GRID2IP: variants seen among roughly 807,000 people sequenced by gnomAD.
GRID2IP encodes the protein delphilin.
In GRID2IP, 78 loss-of-function variants were observed where a neutral mutation model predicts 114.3. The observed-to-expected ratio is 0.68, with a 90% CI of 0.57 to 0.82. The LOEUF (loss-of-function observed/expected upper bound fraction) is 0.82, where lower values mean the gene tolerates loss of function less well. Among genes scored for constraint, GRID2IP ranks in the 40% least tolerant of loss-of-function variants. The pLI, the probability that GRID2IP is intolerant of heterozygous loss-of-function variation, is 0.00. For missense variants in GRID2IP, 1,727 were observed against 1,678.5 expected, an observed-to-expected ratio of 1.03 and a Z score of -0.51; for synonymous variants, 809 against 724.0, an observed-to-expected ratio of 1.12 and a Z score of -1.89.
At chr7:6,530,359 G>T (rs1779594301) in intron 2 of GRID2IP, among the ~76,000 whole-genome samples, 1 of 149,372 alleles carries the variant, frequency 6.7e-6, no homozygotes, top group South Asian at 2.1e-4. Context: ...CGCCTCCCAG[G>T]TTCAAGCGAT....
At position 6,514,440 on chromosome 7, in the gene GRID2IP, G is replaced by A; in HGVS notation, c.1358C>T (p.Thr453Ile). The change falls in exon 8 of 22, where the codon ACC (threonine) becomes ATC (isoleucine). Residue 453 changes from threonine (T) to isoleucine (I), a missense_variant. By Grantham distance (89) the Thr-to-Ile change is moderately conservative (BLOSUM62 -1). Transcript: ENST00000457091. The part of the protein sequence containing the change: ...VLWQFIYQLL[T>I]YEEQELCQEK... ...CTGACAGAGCTCCTGCTCCTCATAGGTCAGCAGCTGGTAGATGAACTGCCA... is the reference window on the plus strand; with the variant it reads ...CTGACAGAGCTCCTGCTCCTCATAGATCAGCAGCTGGTAGATGAACTGCCA... 1 of 1,550,042 alleles carries A rather than the reference G, an allele frequency of 6.5e-7. No individual in the cohort carries two copies. The highest frequency in any genetic ancestry group is 8.7e-7 in the Non-Finnish European group (1 of 1,146,216).
At chr7:6,511,269 C>G (rs998360424) in intron 8 of GRID2IP, among the ~76,000 whole-genome samples, 1 of 151,592 alleles carries the variant, frequency 6.6e-6, no homozygotes, top group Non-Finnish European at 1.5e-5. Flanking sequence ...AGCCTGAACT[C>G]AGGGGCCTAG....
Position 6,506,743 on chromosome 7 carries a change from G to A in GRID2IP, c.2545-836C>T, listed in dbSNP as rs1391468648. 4.0e-5 allele frequency among the ~76,000 whole-genome samples: 6 copies of A among 148,846 alleles called. No individual in the cohort carries two copies. The highest frequency in any genetic ancestry group is 1.2e-4 in the African/African-American group (5 of 40,164). ...GTACCCCAGGCTGGAGTGCAGTGGT[G>A]CCATCTTGGCTCACTGCAACCTCCA... On this transcript the variant is annotated intron_variant, in intron 13 of 21. Coordinates refer to ENST00000457091, the MANE Select transcript of GRID2IP (RefSeq NM_001145118.2). The surrounding 1 kb of genome is among the most constrained non-coding windows in gnomAD (Gnocchi z 5.2).
Position 6,503,644 on chromosome 7 carries a change from G to C in GRID2IP, c.2754C>G (p.Arg918=). ...AHLKLSPAEL[R]QVLMSMEPRR... ...GGGGCTCCATGCTCATCAGCACCTG[G>C]CGCAGCTCCGCGGGGCTCAGCTTCA... Residue 918 remains arginine, a synonymous_variant, in exon 16 of 22, where the codon CGC becomes CGG. Transcript: ENST00000457091. The C allele has an allele frequency of 6.6e-7, 1 of 1,519,678 alleles. No individual in the cohort carries two copies. The highest frequency in any genetic ancestry group is 8.8e-7 in the Non-Finnish European group (1 of 1,140,454). The allele number at this position is 1,519,678 out of a possible 1,614,324, so 94.1% of individuals were successfully genotyped here. A position where few individuals can be genotyped will look rare whatever the true frequency, so the allele number is the denominator to read the frequency against.
At chr7:6,505,605 G>T (rs1398733562) in intron 14 of GRID2IP, among the ~76,000 whole-genome samples, 1 of 152,144 alleles carries the variant, frequency 6.6e-6, no homozygotes, top group Non-Finnish European at 1.5e-5. Context: ...CTGAGCTCAG[G>T]CGATCCACCC....
intron 8 of GRID2IP, among the ~76,000 whole-genome samples, chr7:6,513,947 C>CAAAAA (rs35124535): frequency 8.4e-5 from 4 of 47,534 alleles, no homozygotes; most frequent in Non-Finnish European, 1.4e-4. Flanking sequence ...GACTCCGTCT[C>CAAAAA]AAAAAAAAAA....
chr7:6,531,081 A>G (rs1042382706), intron 2 of GRID2IP: 2 of 624,278 alleles, frequency 3.2e-6, no homozygotes, highest in Middle Eastern at 2.6e-4. Flanking sequence ...AAGTGCCGAG[A>G]GAAGCCCTGG....
At position 6,502,026 on chromosome 7, in the gene GRID2IP, A is replaced by G; in HGVS notation, c.3243T>C (p.Phe1081=). The change falls in exon 19 of 22, where the codon TTT becomes TTC. Residue 1081 remains phenylalanine (F), a synonymous_variant. Transcript: ENST00000457091. ...GGGGCACGGTGGGCAGGTCCTGAGC[A>G]AAGCCCAGGAGTTCAGGGAAGTGCT... ...LSQHFPELLG[F]AQDLPTVPLA... The G allele has an allele frequency of 6.4e-7, 1 of 1,551,348 alleles. No individual in the cohort carries two copies. Among genetic ancestry groups the G allele is most frequent in the Non-Finnish European group, 8.7e-7 (1 of 1,146,904 alleles).
intron 20 of GRID2IP, among the ~76,000 whole-genome samples, chr7:6,499,342 C>T (rs1786348799): frequency 6.6e-6 from 1 of 152,148 alleles, no homozygotes; most frequent in Non-Finnish European, 1.5e-5. Context: ...GCCCATAGTC[C>T]CACAGCAGGT....
In GRID2IP at chr7:6,526,237, C is replaced by G. The variant is rs746723723; in HGVS notation, c.906G>C (p.Glu302Asp). ...CCCACCCCTCACCAGGCAGGACAGA[C>G]TCGATCCAGACAGGCCCGTGGCCGC... ...TLRGHGPVWI[E>D]SVLPGSPADN... is the part of the protein sequence containing the mutation. The change falls in exon 4 of 22, where the codon GAG becomes GAC. Residue 302 changes from glutamate to aspartate, a missense_variant. Transcript: ENST00000457091. The surrounding 1 kb of genome is among the most constrained non-coding windows in gnomAD (Gnocchi z 7.6). 18 of 1,551,938 alleles carry G rather than the reference C, an allele frequency of 1.2e-5. No homozygotes were observed. The highest frequency in any genetic ancestry group is 9.5e-5 in the South Asian group (8 of 84,062).
rs1002835555 is a variant in GRID2IP, at chr7:6,512,231, C to CTTTTTTTTTTTTTTTTTTTT, written c.1424-1193_1424-1192insAAAAAAAAAAAAAAAAAAAA. Among the ~76,000 whole-genome samples the CTTTTTTTTTTTTTTTTTTTT allele has an allele frequency of 2.1e-3, 187 of 90,196 alleles. 20 individuals carry two copies. The highest frequency in any genetic ancestry group is 8.2e-3 in the Middle Eastern group (1 of 122). 59.2% of individuals were successfully genotyped at this position (90,196 alleles called of 152,430 possible). ...CACACCTGCCTTTTTTTCTTTTCTT[C>CTTTTTTTTTTTTTTTTTTTT]TTTTTTTTTTTTTTTTTTGTGACAG... On this transcript the variant is annotated intron_variant, in intron 8 of 21. Coordinates refer to ENST00000457091, the MANE Select transcript of GRID2IP (RefSeq NM_001145118.2).
In GRID2IP at chr7:6,532,871, C is replaced by T. The variant is rs747278175; in HGVS notation, c.585-6102G>A. 6.6e-6 allele frequency among the ~76,000 whole-genome samples: 1 copy of T among 152,166 alleles called. No individual in the cohort carries two copies. The highest frequency in any genetic ancestry group is 1.5e-5 in the Non-Finnish European group (1 of 68,024). On this transcript the variant is annotated intron_variant, in intron 2 of 21. Coordinates refer to ENST00000457091, the MANE Select transcript of GRID2IP (RefSeq NM_001145118.2). This position sits in a 1 kb window ranked among gnomAD's most constrained non-coding sequence, Gnocchi z 4.4. Reference sequence around the variant, plus strand: ...GCACGCTACCTCAGAGCCAGGTCTCCGTGGGCACAGTGGGGCCAGCTGCTC... The same window carrying T: ...GCACGCTACCTCAGAGCCAGGTCTCTGTGGGCACAGTGGGGCCAGCTGCTC...
chr7:6,535,256 C>A (rs1033984875), intron 2 of GRID2IP, among the ~76,000 whole-genome samples: 2 of 152,206 alleles, frequency 1.3e-5, no homozygotes, highest in Non-Finnish European at 2.9e-5. Context: ...TCTCGAACTC[C>A]TGACCTCAGG....
Position 6,510,954 on chromosome 7 carries a change from G to A in GRID2IP, c.1509C>T (p.Cys503=). ...PRSSLRASSM[C]RRSLRSQGLE... ...GGCCCTGGGACCGGAGGCTGCGGCG[G>A]CACATGGAGGAAGCCCGCAGGGAGC... Residue 503 remains cysteine, a synonymous_variant, in exon 9 of 22, where the codon TGC becomes TGT. Coordinates refer to ENST00000457091, the MANE Select transcript of GRID2IP (RefSeq NM_001145118.2). 1 of 1,548,420 alleles carries A rather than the reference G, an allele frequency of 6.5e-7. No homozygotes were observed. The highest frequency in any genetic ancestry group is 8.7e-7 in the Non-Finnish European group (1 of 1,145,426).
In GRID2IP at chr7:6,536,832, C is replaced by T; in HGVS notation, c.584+2886G>A. 1.4e-6 allele frequency: 1 copy of T among 701,642 alleles called. No individual in the cohort carries two copies. Among genetic ancestry groups the T allele is most frequent in the Non-Finnish European group, 2.6e-6 (1 of 384,114 alleles). 43.5% of individuals were successfully genotyped at this position (701,642 alleles called of 1,614,324 possible). ...GCAAGGGGCTCACCCCTTACTCACCCCAGGCAGCTCATGGTGGCCTCTTTC... is the reference window on the plus strand; with the variant it reads ...GCAAGGGGCTCACCCCTTACTCACCTCAGGCAGCTCATGGTGGCCTCTTTC... On this transcript the variant is annotated intron_variant, in intron 2 of 21. Coordinates refer to ENST00000457091, the MANE Select transcript of GRID2IP (RefSeq NM_001145118.2). This position sits in a 1 kb window ranked among gnomAD's most constrained non-coding sequence, Gnocchi z 5.3.
At chr7:6,500,624 C>T (rs1033982810) in intron 20 of GRID2IP, among the ~76,000 whole-genome samples, 2 of 152,208 alleles carry the variant, frequency 1.3e-5, no homozygotes, top group Admixed American at 6.5e-5. Flanking sequence ...GACACTCACC[C>T]GCACCAGGCC....
At chr7:6,529,388 T>G (rs1203644371) in intron 2 of GRID2IP, among the ~76,000 whole-genome samples, 1 of 151,720 alleles carries the variant, frequency 6.6e-6, no homozygotes, top group East Asian at 1.9e-4. Flanking sequence ...GAGACAGAGG[T>G]TGCAGTGAGC....
Position 6,534,532 on chromosome 7 carries a change from C to A in GRID2IP, c.584+5186G>T, listed in dbSNP as rs988092612. 6.6e-6 allele frequency among the ~76,000 whole-genome samples: 1 copy of A among 152,172 alleles called. No individual in the cohort carries two copies. Among genetic ancestry groups the A allele is most frequent in the Non-Finnish European group, 1.5e-5 (1 of 68,038 alleles). On this transcript the variant is annotated intron_variant, in intron 2 of 21. Coordinates refer to ENST00000457091, the MANE Select transcript of GRID2IP (RefSeq NM_001145118.2). This position sits in a 1 kb window ranked among gnomAD's most constrained non-coding sequence, Gnocchi z 4.5. ...ACATGGTGACCACGGACCCATCTCA[C>A]CCTTTACAGCAGCAGCGCTGTCCAA...
chr7:6,516,386 G>T lies in GRID2IP; in HGVS notation c.1269-1857C>A, dbSNP rs558995950. Among the ~76,000 whole-genome samples the T allele has an allele frequency of 6.6e-6, 1 of 152,234 alleles. No homozygotes were observed. The highest frequency in any genetic ancestry group is 2.1e-4 in the South Asian group (1 of 4,824). ...TTATTCCAATATTATAATAATCTTTGTCCTACAATTATAACCTAGGAGAAA... is the reference window on the plus strand; with the variant it reads ...TTATTCCAATATTATAATAATCTTTTTCCTACAATTATAACCTAGGAGAAA... On this transcript the variant is annotated intron_variant, in intron 7 of 21. Transcript: ENST00000457091. This position sits in a 1 kb window ranked among gnomAD's most constrained non-coding sequence, Gnocchi z 4.3.
Sources: gnomAD v4.1 joint callset for allele counts (sites outside exome capture counted in the v4.1 genomes callset) on GRCh38, gnomAD v4.1.1 for gene constraint, Gnocchi (gnomAD v3.1) non-coding constraint, MANE v1.5 for transcripts, NCBI Gene and HGNC (gene_info 2026-07-23, HGNC 2026-07-21) for gene names.